Variants in ALB observed in about 807,000 individuals in gnomAD.
The protein encoded by ALB is albumin.
Under a neutral mutation model 74.5 loss-of-function variants are expected in ALB, and 37 were observed. That is an observed-to-expected ratio of 0.50 (90% CI 0.38 to 0.65). ALB has a LOEUF of 0.65. Ranked by LOEUF, ALB falls within the 30% of genes least tolerant of loss-of-function variation. The pLI is 0.00. For synonymous variants in ALB, 249 were observed against 251.6 expected, an observed-to-expected ratio of 0.99 and a Z score of 0.10; for missense variants, 685 against 718.7, an observed-to-expected ratio of 0.95 and a Z score of 0.54.
At chr4:73,405,261 G>A in intron 2 of ALB, 88 bp downstream of exon 2, 2 of 1,172,118 alleles carry the variant, frequency 1.7e-6, no homozygotes, top group Non-Finnish European at 2.5e-6. Context: ...TGTCATCAGG[G>A]TTCAGATTCT....
rs16849344 is a variant in ALB, at chr4:73,414,264, C to T, written c.1058+630C>T. Among the ~76,000 whole-genome samples, 598 of 152,306 alleles carry T rather than the reference C, an allele frequency of 3.9e-3. 14 individuals are homozygous for T. The highest frequency in any genetic ancestry group is 0.033 in the Admixed American group (499 of 15,290). On this transcript the variant is annotated intron_variant, in intron 8 of 14. Coordinates refer to ENST00000295897, the MANE Select transcript of ALB (RefSeq NM_000477.7). ...ATTATGTACCCTACAAGATTTCACT[C>T]ATACAGAGAAGAAAGAGAATATTTT...
chr4:73,405,578 A>T (rs1718699389), intron 2 of ALB, among the ~76,000 whole-genome samples: 1 of 151,800 alleles, frequency 6.6e-6, no homozygotes, highest in South Asian at 2.1e-4. Flanking sequence ...TCCTGTGCTT[A>T]GTTGGGAATA....
chr4:73,414,842 A>T (rs1190210074), intron 8 of ALB, among the ~76,000 whole-genome samples, 193 bp from the exon 9 acceptor site: 11 of 152,190 alleles, frequency 7.2e-5, no homozygotes, highest in Non-Finnish European at 1.5e-4. Flanking sequence ...ATGCAGTGAT[A>T]TAAGTAGCAG....
chr4:73,418,306 A>G lies in ALB; in HGVS notation c.1647A>G (p.Lys549=), dbSNP rs142299078. The change falls in exon 12 of 15, where the codon AAA becomes AAG. Residue 549 remains lysine (K), a synonymous_variant. Transcript: ENST00000295897. ...TLSEKERQIK[K]QTALVELVKH... ...CTGAGAAGGAGAGACAAATCAAGAAACAAACGTGAGGAGTATTTCATTACT... is the reference window on the plus strand; with the variant it reads ...CTGAGAAGGAGAGACAAATCAAGAAGCAAACGTGAGGAGTATTTCATTACT... The G allele has an allele frequency of 2.4e-4, 380 of 1,612,394 alleles. No individual in the cohort carries two copies. The highest frequency in any genetic ancestry group is 2.9e-4 in the Non-Finnish European group (344 of 1,178,998).
intron 10 of ALB, 86 bp from the exon 11 acceptor site, chr4:73,417,445 T>C: frequency 1.3e-6 from 2 of 1,510,324 alleles, no homozygotes; most frequent in South Asian, 2.3e-5. Context: ...AACATCTTAG[T>C]TGATTCCGGC....
At chr4:73,405,318 T>C in intron 2 of ALB, 145 bp downstream of exon 2, 1 of 706,892 alleles carries the variant, frequency 1.4e-6, no homozygotes, top group Non-Finnish European at 2.5e-6. Context: ...GAAGATATTC[T>C]GTATCTGGGC....
chr4:73,413,234 A>G lies in ALB; in HGVS notation c.844-186A>G, dbSNP rs528880630. 6.4e-6 allele frequency: 4 copies of G among 625,972 alleles called. No homozygotes were observed. The South Asian group carries it at 7.6e-5, about 12-fold the overall frequency. The allele number at this position is 625,972 out of a possible 1,614,324, so 38.8% of individuals were successfully genotyped here. On this transcript the variant is annotated intron_variant, in intron 7 of 14. Coordinates refer to ENST00000295897, the MANE Select transcript of ALB (RefSeq NM_000477.7). Reference sequence around the variant, plus strand: ...GCTACTGATTAGTCTATTTTAATTAAGTGGGAATGTTTTTGTAGTCCTATC... The same window carrying G: ...GCTACTGATTAGTCTATTTTAATTAGGTGGGAATGTTTTTGTAGTCCTATC...
intron 3 of ALB, 99 bp downstream of exon 3, chr4:73,406,860 G>A: frequency 7.2e-7 from 1 of 1,398,040 alleles, no homozygotes; most frequent in Non-Finnish European, 9.8e-7. Context: ...ATTATTAAGT[G>A]TCCTGATTTG....
In ALB at chr4:73,408,588, A is replaced by G. The variant is rs199988622; in HGVS notation, c.271-6A>G. ...CAGCAACTGAAACCTGCTTTCTTCCATTTAGCATACCCTTTTTGGAGACAA... is the reference window on the plus strand; with the variant it reads ...CAGCAACTGAAACCTGCTTTCTTCCGTTTAGCATACCCTTTTTGGAGACAA... On this transcript the variant is annotated splice_region_variant and splice_polypyrimidine_tract_variant and intron_variant, in intron 3 of 14. Coordinates refer to ENST00000295897, the MANE Select transcript of ALB (RefSeq NM_000477.7). The G allele has an allele frequency of 9.9e-6, 16 of 1,613,646 alleles. No individual in the cohort carries two copies. The highest frequency in any genetic ancestry group is 6.6e-5 in the South Asian group (6 of 91,056).
chr4:73,410,314 C>A lies in ALB; in HGVS notation c.618C>A (p.Leu206=), dbSNP rs560693428. The change falls in exon 6 of 15, where the codon CTC becomes CTA. Residue 206 remains leucine, a splice_region_variant and synonymous_variant. Coordinates refer to ENST00000295897, the MANE Select transcript of ALB (RefSeq NM_000477.7). ...CATCAAATTATTCCTTTTTGTAGCTCGATGAACTTCGGGATGAAGGGAAGG... is the reference window on the plus strand; with the variant it reads ...CATCAAATTATTCCTTTTTGTAGCTAGATGAACTTCGGGATGAAGGGAAGG... ...ADKAACLLPK[L]DELRDEGKAS... is the part of the protein sequence containing the mutation. 6.2e-7 allele frequency: 1 copy of A among 1,612,932 alleles called. No homozygotes were observed. The highest frequency in any genetic ancestry group is 1.7e-5 in the Admixed American group (1 of 59,984).
At chr4:73,420,000 G>A (rs1577942879) in intron 13 of ALB, among the ~76,000 whole-genome samples, 3 of 152,196 alleles carry the variant, frequency 2.0e-5, no homozygotes, top group Admixed American at 2.0e-4. Context: ...TTATAGGCTA[G>A]TGGGAGAATT....
intron 13 of ALB, 135 bp downstream of exon 13, chr4:73,419,774 C>T (rs1397764298): frequency 7.1e-6 from 8 of 1,129,914 alleles, no homozygotes; most frequent in Non-Finnish European, 1.0e-5. Context: ...AAACAATTGT[C>T]TTACAAAATG....
intron 8 of ALB, among the ~76,000 whole-genome samples, chr4:73,413,955 A>C (rs56092920): frequency 1.2e-4 from 18 of 152,198 alleles, no homozygotes; most frequent in African/African-American, 3.9e-4. Context: ...TTGAACATCT[A>C]TAATATATGT....
intron 2 of ALB, among the ~76,000 whole-genome samples, 197 bp downstream of exon 2, chr4:73,405,370 T>C (rs1340988417): frequency 6.6e-6 from 1 of 152,212 alleles, no homozygotes; most frequent in Admixed American, 6.5e-5. Flanking sequence ...TATTGAGTAC[T>C]TCAAATATGA....
At chr4:73,405,441 A>G (rs566948964) in intron 2 of ALB, among the ~76,000 whole-genome samples, 55 of 152,302 alleles carry the variant, frequency 3.6e-4, no homozygotes, top group African/African-American at 1.2e-3. Context: ...TTGAATGTAT[A>G]TAGTCACATG....
chr4:73,420,703 T>G, intron 14 of ALB: 2 of 271,920 alleles, frequency 7.4e-6, no homozygotes, highest in Non-Finnish European at 1.4e-5. Flanking sequence ...CTGAACCACA[T>G]GAAAGAGTGC....
rs11538223 is a variant in ALB at position 73,413,600 on chromosome 4, A to G, written c.1024A>G (p.Asn342Asp). The G allele has an allele frequency of 6.2e-7, 1 of 1,614,116 alleles. No homozygotes were observed. Among genetic ancestry groups the G allele is most frequent in the East Asian group, 2.2e-5 (1 of 44,872 alleles). ...TGTTGAAAGTAAGGATGTTTGCAAA[A>G]ACTATGCTGAGGCAAAGGATGTCTT... The part of the protein sequence containing the change: ...DFVESKDVCK[N>D]YAEAKDVFLG... Residue 342 changes from asparagine (N) to aspartate (D), a missense_variant, in exon 8 of 15, where the codon AAC becomes GAC. By Grantham distance (23) the Asn-to-Asp change is conservative. Transcript: ENST00000295897.
intron 2 of ALB, 93 bp from the exon 3 acceptor site, chr4:73,406,536 A>G: frequency 8.3e-7 from 1 of 1,200,056 alleles, no homozygotes; most frequent in South Asian, 1.3e-5. Context: ...AAAAGATAGA[A>G]CCTATACCCA....
chr4:73,417,850 A>ATTT (rs371597764), intron 11 of ALB, among the ~76,000 whole-genome samples, 181 bp downstream of exon 11: 1 of 140,220 alleles, frequency 7.1e-6, no homozygotes, highest in Admixed American at 7.2e-5. Context: ...GAGGATGATA[A>ATTT]TTTTTTTTTT....
Sources: gnomAD v4.1 joint callset for allele counts (sites outside exome capture counted in the v4.1 genomes callset) on GRCh38, gnomAD v4.1.1 for gene constraint, MANE v1.5 for transcripts, NCBI Gene and HGNC (gene_info 2026-07-23, HGNC 2026-07-21) for gene names.